Variants in KLHDC4 observed in about 807,000 individuals in gnomAD.
KLHDC4 encodes the protein kelch domain containing 4.
In KLHDC4, 90 loss-of-function variants were observed where a neutral mutation model predicts 62.4. That is an observed-to-expected ratio of 1.44 (90% confidence interval 1.22 to 1.72). The LOEUF is 1.72. Among genes scored for constraint, KLHDC4 ranks in the 40% most tolerant of loss-of-function variants. The pLI, the probability that KLHDC4 is intolerant of heterozygous loss-of-function variation, is 0.00. For missense variants in KLHDC4, 1,025 were observed against 699.7 expected, an observed-to-expected ratio of 1.47 and a Z score of -5.25; for synonymous variants, 386 against 284.4, an observed-to-expected ratio of 1.36 and a Z score of -3.59.
At chr16:87,763,896 A>G (rs990175197) in intron 1 of KLHDC4, among the ~76,000 whole-genome samples, 1 of 152,276 alleles carries the variant, frequency 6.6e-6, no homozygotes, top group East Asian at 1.9e-4. Flanking sequence ...ACTCAGACGG[A>G]GTATGGTTGG....
intron 5 of KLHDC4, among the ~76,000 whole-genome samples, chr16:87,738,191 G>A (rs940544309): frequency 6.6e-6 from 1 of 152,168 alleles, no homozygotes; most frequent in Non-Finnish European, 1.5e-5. Context: ...TAGCTAACTC[G>A]TTGCGGTCCT....
intron 7 of KLHDC4, among the ~76,000 whole-genome samples, chr16:87,726,149 C>T (rs181432218): frequency 5.3e-4 from 80 of 151,930 alleles, no homozygotes; most frequent in African/African-American, 1.9e-3. Flanking sequence ...CTGAAGAGAC[C>T]ACAGACAGCA....
intron 6 of KLHDC4, chr16:87,729,474 C>T (rs1251000953): frequency 6.6e-6 from 1 of 152,266 alleles, no homozygotes; most frequent in Non-Finnish European, 1.5e-5. Flanking sequence ...TGACCTTCAC[C>T]AGGGTTGCAG....
intron 2 of KLHDC4, among the ~76,000 whole-genome samples, 190 bp downstream of exon 2, chr16:87,761,759 T>G (rs2045928430): frequency 6.6e-6 from 1 of 152,202 alleles, no homozygotes; most frequent in African/African-American, 2.4e-5. Context: ...TAGGCCCTGC[T>G]CCCAGGTTCC....
At chr16:87,701,350 G>A in exon 1 of KLHDC4, 1 of 313,550 alleles carries the variant, frequency 3.2e-6, no homozygotes, top group Admixed American at 4.0e-5. Context: ...AAGCCATACT[G>A]TGGAGAGAAG....
chr16:87,729,724 A>T (rs559072941), intron 6 of KLHDC4, among the ~76,000 whole-genome samples: 12 of 152,308 alleles, frequency 7.9e-5, no homozygotes, highest in Admixed American at 5.2e-4. Flanking sequence ...CGCTGTGGAG[A>T]GTGTGCTATC....
chr16:87,720,191 G>A (rs529866664), intron 7 of KLHDC4, among the ~76,000 whole-genome samples: 56 of 152,306 alleles, frequency 3.7e-4, no homozygotes, highest in African/African-American at 1.2e-3. Context: ...ATGGGCCGGC[G>A]GTGCAGTGGT....
chr16:87,722,732 A>C (rs2038636778), intron 7 of KLHDC4, among the ~76,000 whole-genome samples: 1 of 152,240 alleles, frequency 6.6e-6, no homozygotes, highest in Admixed American at 6.5e-5. Flanking sequence ...TTCTGCATAG[A>C]GGAGACCTGG....
intron 5 of KLHDC4, among the ~76,000 whole-genome samples, chr16:87,744,203 G>C (rs921984597): frequency 6.6e-6 from 1 of 152,060 alleles, no homozygotes; most frequent in Admixed American, 6.6e-5. Flanking sequence ...ATCACCTGAG[G>C]TCAGGAGTTC....
chr16:87,720,932 G>T (rs1014628), intron 7 of KLHDC4, among the ~76,000 whole-genome samples: 92,809 of 152,014 alleles, frequency 0.61, 28,437 homozygotes, highest in South Asian at 0.73. Flanking sequence ...TCCTGGAACC[G>T]GGTCAAGTCC....
At chr16:87,706,785 G>C (rs1351678807), downstream of KLHDC4, among the ~76,000 whole-genome samples, 1 of 152,168 alleles carries the variant, frequency 6.6e-6, no homozygotes, top group Admixed American at 6.5e-5. Flanking sequence ...ATGATCCTGA[G>C]AGGCGACACT....
At chr16:87,728,254 G>A (rs1002658365) in intron 6 of KLHDC4, among the ~76,000 whole-genome samples, 4 of 152,324 alleles carry the variant, frequency 2.6e-5, no homozygotes, top group East Asian at 1.9e-4. Context: ...TCCTTCGCAG[G>A]ACGATGGCTC....
chr16:87,764,807 T>A, intron 1 of KLHDC4, among the ~76,000 whole-genome samples: 1 of 130,216 alleles, frequency 7.7e-6, no homozygotes. Flanking sequence ...CAGCCCAGCC[T>A]AGGTGACAGA....
intron 5 of KLHDC4, among the ~76,000 whole-genome samples, chr16:87,734,970 G>A (rs1251179667): frequency 7.3e-4 from 25 of 34,112 alleles, no homozygotes; most frequent in African/African-American, 2.9e-3. Flanking sequence ...ATTGCCTGAC[G>A]CCCCTCCCCC....
downstream of KLHDC4, among the ~76,000 whole-genome samples, chr16:87,707,356 C>A (rs1240626047): frequency 6.6e-6 from 1 of 152,194 alleles, no homozygotes; most frequent in Non-Finnish European, 1.5e-5. Flanking sequence ...ACCCTAAACC[C>A]GACTGGGACA....
intron 4 of KLHDC4, among the ~76,000 whole-genome samples, chr16:87,751,825 G>A (rs1390412409): frequency 6.6e-6 from 1 of 152,024 alleles, no homozygotes; most frequent in African/African-American, 2.4e-5. Context: ...TGTAATCCCA[G>A]CACTTTGGGA....
At chr16:87,761,828 GT>G in intron 2 of KLHDC4, 120 bp downstream of exon 2, 1 of 968,136 alleles carries the variant, frequency 1.0e-6, no homozygotes, top group Non-Finnish European at 1.6e-6. Context: ...CCAAGAACAG[GT>G]TTTAATAATG....
intron 5 of KLHDC4, among the ~76,000 whole-genome samples, chr16:87,744,940 C>T (rs1193873643): frequency 6.6e-6 from 1 of 152,136 alleles, no homozygotes. Context: ...CAGGCACATG[C>T]ACTCACATAT....
chr16:87,755,378 T>A (rs1186346247), intron 3 of KLHDC4, 86 bp from the exon 4 acceptor site: 1 of 738,604 alleles, frequency 1.4e-6, no homozygotes, highest in Non-Finnish European at 2.3e-6. Flanking sequence ...GACAATTCCC[T>A]GGGAAACTGA....
Sources: allele counts gnomAD v4.1 joint callset (sites outside exome capture counted in the v4.1 genomes callset), GRCh38; gene constraint gnomAD v4.1.1; transcripts MANE v1.5; gene names NCBI Gene and HGNC (gene_info 2026-07-23, HGNC 2026-07-21).